Variants in HNRNPA3 observed in about 807,000 individuals in gnomAD.
The protein encoded by HNRNPA3 is heterogeneous nuclear ribonucleoprotein A3.
HNRNPA3 carries 3 observed loss-of-function variants against 45.8 expected under a neutral mutation model. The ratio of observed to expected loss-of-function variants is 0.07; its 90% CI spans 0.03 to 0.17. The LOEUF (loss-of-function observed/expected upper bound fraction) is 0.17. HNRNPA3 is among the 10% of genes least tolerant of loss of function. The pLI is 1.00. For missense variants in HNRNPA3, 183 were observed against 480.3 expected, an observed-to-expected ratio of 0.38 and a Z score of 5.79; for synonymous variants, 170 against 155.6, an observed-to-expected ratio of 1.09 and a Z score of -0.69.
At chr2:177,216,540 A>G in exon 5 of HNRNPA3, 1 of 1,614,076 alleles carries the variant, frequency 6.2e-7, no homozygotes, top group Non-Finnish European at 8.5e-7. Context: ...ATAATTGTGA[A>G]GTGAAAAAGG....
At chr2:177,213,588 T>C (rs1688786074) in intron 1 of HNRNPA3, among the ~76,000 whole-genome samples, 1 of 152,258 alleles carries the variant, frequency 6.6e-6, no homozygotes, top group South Asian at 2.1e-4. Context: ...TTTGCTAAAG[T>C]ACTTACATTA....
At chr2:177,217,883 C>A in intron 8 of HNRNPA3, 38 bp downstream of exon 8, 1 of 1,507,842 alleles carries the variant, frequency 6.6e-7, no homozygotes, top group South Asian at 1.3e-5. Flanking sequence ...GTTAAATATT[C>A]AGTGTTGCTA....
At chr2:177,223,077 TC>T (rs1689257348), downstream of HNRNPA3, 1 of 152,368 alleles carries the variant, frequency 6.6e-6, no homozygotes, top group Non-Finnish European at 1.5e-5. Flanking sequence ...AAAAAAAAAA[TC>T]CTTTGGAGAC....
downstream of HNRNPA3, chr2:177,223,935 GTAAT>G (rs1325297159): frequency 6.6e-6 from 1 of 152,256 alleles, no homozygotes; most frequent in African/African-American, 2.4e-5. Context: ...TTACCAGTAA[GTAAT>G]AAAACAACAG....
chr2:177,212,921 C>T (rs918695937), intron 1 of HNRNPA3, 50 bp downstream of exon 1: 3 of 1,228,354 alleles, frequency 2.4e-6, no homozygotes, highest in Non-Finnish European at 3.3e-6. Flanking sequence ...GCGTTGGGGG[C>T]CTGGTTCGGT....
chr2:177,223,048 T>C (rs1484130761), downstream of HNRNPA3: 3 of 152,604 alleles, frequency 2.0e-5, no homozygotes, highest in Non-Finnish European at 4.4e-5. Context: ...CTTAACAATT[T>C]AGTCGGATAG....
downstream of HNRNPA3, chr2:177,223,781 T>G (rs1689288826): frequency 6.6e-6 from 1 of 152,254 alleles, no homozygotes; most frequent in African/African-American, 2.4e-5. Flanking sequence ...CTGTAATGGA[T>G]TCAGATGTTT....
Position 177,215,830 on chromosome 2 carries a change from A to G in HNRNPA3, c.276A>G (p.Ala92=), listed in dbSNP as rs149361647. 1.9e-6 allele frequency: 3 copies of G among 1,609,724 alleles called. No individual in the cohort carries two copies. In the African/African-American group the frequency reaches 4.0e-5, roughly 22 times the overall value. The change falls in exon 3 of 11, where the codon GCA becomes GCG. Residue 92 remains alanine, a synonymous_variant. Transcript: ENST00000392524. ...CTTGTGTTGAAGAGGTGGATGCAGC[A>G]ATGTGTGCTCGACCACACAAGGTTG...
downstream of HNRNPA3, chr2:177,223,352 TGTC>T (rs1190239804): frequency 2.6e-5 from 4 of 152,252 alleles, no homozygotes; most frequent in Admixed American, 6.5e-5. Flanking sequence ...ACAGTTCCAT[TGTC>T]GTTTCTGAAA....
At chr2:177,217,741 G>A (rs1210539019) in exon 8 of HNRNPA3, 2 of 1,613,132 alleles carry the variant, frequency 1.2e-6, no homozygotes. Flanking sequence ...TATAGTAGTA[G>A]AGGGGGCTAT....
chr2:177,223,312 C>G (rs960127141), downstream of HNRNPA3: 15 of 150,962 alleles, frequency 9.9e-5, no homozygotes, highest in Non-Finnish European at 7.4e-5. Context: ...TAGTTTATTT[C>G]TTTTTATGAA....
At chr2:177,213,001 G>T (rs1490113108) in intron 1 of HNRNPA3, 130 bp downstream of exon 1, 1 of 563,200 alleles carries the variant, frequency 1.8e-6, no homozygotes. Flanking sequence ...CTGTGGGAGG[G>T]GGAGGGGAGC....
At chr2:177,223,894 T>TA (rs1689298446), downstream of HNRNPA3, 1 of 152,248 alleles carries the variant, frequency 6.6e-6, no homozygotes, top group Admixed American at 6.5e-5. Flanking sequence ...TCATGTGACT[T>TA]AAACACTATA....
chr2:177,217,592 A>C, intron 7 of HNRNPA3, 113 bp from the exon 8 acceptor site: 6 of 1,299,748 alleles, frequency 4.6e-6, no homozygotes, highest in Non-Finnish European at 6.6e-6. Flanking sequence ...GCACCACTGT[A>C]CTTGAGCCCG....
intron 7 of HNRNPA3, 41 bp from the exon 8 acceptor site, chr2:177,217,664 C>G (rs1341853309): frequency 1.9e-6 from 3 of 1,610,924 alleles, no homozygotes; most frequent in Non-Finnish European, 2.5e-6. Context: ...TGACTATACA[C>G]TTAAGTTTTT....
exon 8 of HNRNPA3, chr2:177,217,782 GGTGGTGGAT>G: frequency 6.2e-7 from 1 of 1,613,194 alleles, no homozygotes; most frequent in South Asian, 1.1e-5. Context: ...TGGAAACCAA[GGTGGTGGAT>G]ATGGTGGAGG....
At chr2:177,216,748 G>A (rs369272913) in exon 6 of HNRNPA3, 6 of 1,614,074 alleles carry the variant, frequency 3.7e-6, no homozygotes, top group African/African-American at 1.3e-5. Flanking sequence ...AATTTTGGCC[G>A]TGGTGGAAAC....
chr2:177,220,504 G>A (rs1242585353), downstream of HNRNPA3: 1 of 153,796 alleles, frequency 6.5e-6, no homozygotes, highest in East Asian at 1.9e-4. Flanking sequence ...CAGAGCAAGA[G>A]AATAAAAATC....
intron 8 of HNRNPA3, 55 bp downstream of exon 8, chr2:177,217,900 C>G: frequency 7.1e-7 from 1 of 1,413,534 alleles, no homozygotes; most frequent in Non-Finnish European, 9.5e-7. Flanking sequence ...GCTAACAGTT[C>G]CCATGACACA....
Sources: gnomAD v4.1 joint callset for allele counts (sites outside exome capture counted in the v4.1 genomes callset) on GRCh38, gnomAD v4.1.1 for gene constraint, MANE v1.5 for transcripts, NCBI Gene and HGNC (gene_info 2026-07-23, HGNC 2026-07-21) for gene names.